PGM2L1: variants seen among roughly 807,000 people sequenced by gnomAD.
PGM2L1 encodes phosphoglucomutase 2 like 1, also known as glucose 1,6-bisphosphate synthase.
A neutral mutation model predicts 73.4 loss-of-function variants in PGM2L1; 35 were observed. That is an observed-to-expected ratio of 0.48 (90% CI 0.36 to 0.63). PGM2L1 has a LOEUF of 0.63. Among genes scored for constraint, PGM2L1 ranks in the 30% least tolerant of loss-of-function variants. PGM2L1 has a pLI of 0.00. For synonymous variants in PGM2L1, 225 were observed against 253.8 expected (o/e 0.89, Z 1.08); for missense variants, 570 against 742.0 (o/e 0.77, Z 2.69).
intron 5 of PGM2L1, among the ~76,000 whole-genome samples, chr11:74,358,502 G>A (rs1862497354): frequency 6.6e-6 from 1 of 152,178 alleles, no homozygotes; most frequent in South Asian, 2.1e-4. Flanking sequence ...ACAGGATAAA[G>A]GCCGTCATAT....
rs543032936 is a variant in PGM2L1 at position 74,388,815 on chromosome 11, C to T, written c.111+9236G>A. On this transcript the variant is annotated intron_variant, in intron 1 of 13. Coordinates refer to ENST00000298198, the MANE Select transcript of PGM2L1 (RefSeq NM_173582.6). ...CACTGCCTTCCTGTCTATTCTTCAC[C>T]AGCATAGAACATTTTCTCCATTAAC... is the stretch of plus-strand genomic sequence containing the variant. Among the ~76,000 whole-genome samples, 9 of 152,262 alleles carry T rather than the reference C, an allele frequency of 5.9e-5. No individual in the cohort carries two copies. In the East Asian group the frequency reaches 1.7e-3, roughly 29 times the overall value.
chr11:74,334,322 A>C lies in PGM2L1; in HGVS notation c.*2330T>G, dbSNP rs1862058896. The C allele has an allele frequency of 6.6e-6, 1 of 152,230 alleles. No homozygotes were observed. The highest frequency in any genetic ancestry group is 6.5e-5 in the Admixed American group (1 of 15,284). 9.4% of individuals were successfully genotyped at this position (152,230 alleles called of 1,614,324 possible). A position where few individuals can be genotyped will look rare whatever the true frequency, so the allele number is the denominator to read the frequency against. On this transcript the variant is annotated 3_prime_UTR_variant, in exon 14 of 14. Coordinates refer to ENST00000298198, the MANE Select transcript of PGM2L1 (RefSeq NM_173582.6). ...ATCAGTCACTGAAACACAGAACTAA[A>C]CCAAATATACCTGTTTTTCATATAT...
chr11:74,370,823 A>C, intron 4 of PGM2L1, 79 bp downstream of exon 4: 1 of 1,330,144 alleles, frequency 7.5e-7, no homozygotes, highest in Non-Finnish European at 1.1e-6. Context: ...ACATGCACAA[A>C]AAATATTTGA....
intron 5 of PGM2L1, among the ~76,000 whole-genome samples, chr11:74,353,490 G>A (rs910628839): frequency 6.6e-6 from 1 of 151,522 alleles, no homozygotes; most frequent in South Asian, 2.1e-4. Flanking sequence ...GCGGCCTTCC[G>A]CAGTGTTTGT....
At chr11:74,394,037 C>A (rs1863140119) in intron 1 of PGM2L1, among the ~76,000 whole-genome samples, 1 of 151,686 alleles carries the variant, frequency 6.6e-6, no homozygotes, top group Non-Finnish European at 1.5e-5. Context: ...AAGGAGAGAG[C>A]ACTGGTAGTA....
intron 9 of PGM2L1, among the ~76,000 whole-genome samples, chr11:74,344,570 T>C (rs1427995262): frequency 1.3e-5 from 2 of 152,172 alleles, no homozygotes; most frequent in Non-Finnish European, 2.9e-5. Flanking sequence ...TTCACCTTTC[T>C]ACCTCCTTAC....
chr11:74,383,824 A>ATATATATATATATATATATATATAT (rs1862982924), intron 1 of PGM2L1, among the ~76,000 whole-genome samples: 11 of 121,836 alleles, frequency 9.0e-5, no homozygotes, highest in Admixed American at 1.6e-4. Flanking sequence ...TATATAAATA[A>ATATATATATATATATATATATATAT]ATATATATAT....
At position 74,336,763 on chromosome 11, in the gene PGM2L1, A is replaced by T; in HGVS notation, c.1767-9T>A. 1 of 1,559,786 alleles carries T rather than the reference A, an allele frequency of 6.4e-7. No homozygotes were observed. The highest frequency in any genetic ancestry group is 8.8e-7 in the Non-Finnish European group (1 of 1,138,946). On this transcript the variant is annotated splice_polypyrimidine_tract_variant and intron_variant, in intron 13 of 13. Transcript: ENST00000298198. ...CCAGTAAAGCAGTGTCACTGAGGAA[A>T]AGATGAAGAGTTTTGGAATTATTTA...
chr11:74,342,045 C>T (rs138571753), intron 12 of PGM2L1, among the ~76,000 whole-genome samples: 1 of 152,076 alleles, frequency 6.6e-6, no homozygotes, highest in African/African-American at 2.4e-5. Context: ...GCTTTTGTTG[C>T]CATCTTGGTT....
Position 74,384,394 on chromosome 11 carries a change from T to A in PGM2L1, c.112-9812A>T, listed in dbSNP as rs11236089. Among the ~76,000 whole-genome samples the A allele has an allele frequency of 4.3e-3, 658 of 152,202 alleles. 6 individuals are homozygous for A. The highest frequency in any genetic ancestry group is 0.015 in the African/African-American group (623 of 41,554). On this transcript the variant is annotated intron_variant, in intron 1 of 13. Transcript: ENST00000298198. ...TTCTGCTCTCTGCTCAATTTTAATC[T>A]TTTTTAATCTTCTTGATCTTGACAA...
chr11:74,342,261 A>C (rs997246005), intron 12 of PGM2L1, among the ~76,000 whole-genome samples, 200 bp downstream of exon 12: 3 of 152,142 alleles, frequency 2.0e-5, no homozygotes, highest in African/African-American at 7.2e-5. Context: ...GGGAGGCTCC[A>C]GGCCCCAACC....
chr11:74,332,800 C>G lies in PGM2L1; in HGVS notation c.*3852G>C, dbSNP rs904800890. 1 of 152,454 alleles carries G rather than the reference C, an allele frequency of 6.6e-6. No homozygotes were observed. Among genetic ancestry groups the G allele is most frequent in the African/African-American group, 2.4e-5 (1 of 41,458 alleles). 9.4% of individuals were successfully genotyped at this position (152,454 alleles called of 1,614,324 possible). On this transcript the variant is annotated 3_prime_UTR_variant, in exon 14 of 14. Coordinates refer to ENST00000298198, the MANE Select transcript of PGM2L1 (RefSeq NM_173582.6). ...ATAAAGACATTCCAAAGTATCCAAT[C>G]TCTTAGAACCTCTCCATCTGCTAAC...
intron 1 of PGM2L1, among the ~76,000 whole-genome samples, chr11:74,386,150 C>T (rs1315576747): frequency 1.3e-5 from 2 of 151,824 alleles, no homozygotes; most frequent in Admixed American, 6.6e-5. Context: ...CATGATACAT[C>T]AAAGACTTAT....
intron 5 of PGM2L1, among the ~76,000 whole-genome samples, chr11:74,359,846 C>G (rs1013842690): frequency 6.6e-6 from 1 of 152,154 alleles, no homozygotes; most frequent in Non-Finnish European, 1.5e-5. Flanking sequence ...CAGATACTTT[C>G]TACTGTTTCA....
rs1863207570 is a variant in PGM2L1 at position 74,398,083 on chromosome 11, T to C, written c.79A>G (p.Thr27Ala). The change falls in exon 1 of 14, where the codon ACG becomes GCG. Residue 27 changes from threonine (T) to alanine (A), a missense_variant. By Grantham distance (58) the Thr-to-Ala change is moderately conservative. Transcript: ENST00000298198. ...PYHTGDPQLD[T>A]AIGQWLRWDK... ...CAGCGGAGCCACTGCCCGATGGCCGTGTCCAGCTGAGGGTCCCCGGTGTGG... is the reference window on the plus strand; with the variant it reads ...CAGCGGAGCCACTGCCCGATGGCCGCGTCCAGCTGAGGGTCCCCGGTGTGG... 4 of 1,612,454 alleles carry C rather than the reference T, an allele frequency of 2.5e-6. No individual in the cohort carries two copies. Among genetic ancestry groups the C allele is most frequent in the African/African-American group, 1.3e-5 (1 of 74,906 alleles).
At chr11:74,377,536 A>ATG (rs1173419911) in intron 1 of PGM2L1, among the ~76,000 whole-genome samples, 1 of 152,228 alleles carries the variant, frequency 6.6e-6, no homozygotes, top group Non-Finnish European at 1.5e-5. Context: ...AAAAAGAGGT[A>ATG]TGTGTATATT....
intron 1 of PGM2L1, among the ~76,000 whole-genome samples, chr11:74,388,583 T>C (rs59848587): frequency 0.037 from 5,588 of 152,238 alleles, 109 homozygotes; most frequent in Middle Eastern, 0.092. Context: ...CATAAAACCA[T>C]TACTTACGTT....
Position 74,333,696 on chromosome 11 carries a change from A to T in PGM2L1, c.*2956T>A, listed in dbSNP as rs903040347. ...CAAGTAAACAGGTGGGACACAGTTT[A>T]TTCCCTACTGTTATGGTGTTACATT... On this transcript the variant is annotated 3_prime_UTR_variant, in exon 14 of 14. Coordinates refer to ENST00000298198, the MANE Select transcript of PGM2L1 (RefSeq NM_173582.6). 1 of 152,234 alleles carries T rather than the reference A, an allele frequency of 6.6e-6. No homozygotes were observed. Among genetic ancestry groups the T allele is most frequent in the Non-Finnish European group, 1.5e-5 (1 of 68,044 alleles). The allele number at this position is 152,234 out of a possible 1,614,324, so 9.4% of individuals were successfully genotyped here. A position where few individuals can be genotyped will look rare whatever the true frequency, so the allele number is the denominator to read the frequency against.
chr11:74,389,233 G>C (rs771168866), intron 1 of PGM2L1, among the ~76,000 whole-genome samples: 3 of 152,096 alleles, frequency 2.0e-5, no homozygotes, highest in Non-Finnish European at 2.9e-5. Flanking sequence ...TCTAGCCTAG[G>C]TGACAGGGTG....
Sources: allele counts gnomAD v4.1 joint callset (sites outside exome capture counted in the v4.1 genomes callset), GRCh38; gene constraint gnomAD v4.1.1; transcripts MANE v1.5; gene names NCBI Gene and HGNC (gene_info 2026-07-23, HGNC 2026-07-21).